Variants in CLUAP1 observed in about 807,000 individuals in gnomAD.
CLUAP1 encodes intraflagellar transport 38.
CLUAP1 carries 50 observed loss-of-function variants against 55.0 expected under a neutral mutation model. That is an observed-to-expected ratio of 0.91 (90% CI 0.72 to 1.15). The LOEUF (loss-of-function observed/expected upper bound fraction) is 1.15. Ranked by LOEUF, CLUAP1 falls within the 50% of genes most tolerant of loss-of-function variation. The pLI is 0.00. For synonymous variants in CLUAP1, 195 were observed against 175.4 expected (o/e 1.11, Z -0.88); for missense variants, 530 against 507.6 (o/e 1.04, Z -0.42).
chr16:3,503,771 C>T (rs1027723338), intron 1 of CLUAP1, among the ~76,000 whole-genome samples: 1 of 151,990 alleles, frequency 6.6e-6, no homozygotes, highest in Non-Finnish European at 1.5e-5. Flanking sequence ...TTTTTTTAAT[C>T]TCTGTATTCA....
In CLUAP1 at chr16:3,525,533, C is replaced by G. The variant is rs531946546; in HGVS notation, c.856-879C>G. Among the ~76,000 whole-genome samples the G allele has an allele frequency of 1.9e-3, 286 of 152,200 alleles. 3 individuals carry two copies. The highest frequency in any genetic ancestry group is 6.1e-3 in the African/African-American group (255 of 41,498). The stretch of plus-strand genomic sequence containing the variant: ...TATAAAGCCAACTTCCTCCCTCTGT[C>G]TGTCCCTCCCCCCCACTCTCTCTCT... On this transcript the variant is annotated intron_variant, in intron 8 of 11. Transcript: ENST00000576634.
rs1476037747 is a variant in CLUAP1, at chr16:3,538,561, A to T, written c.*2290A>T. 1 of 152,176 alleles carries T rather than the reference A, an allele frequency of 6.6e-6. No individual in the cohort carries two copies. Among genetic ancestry groups the T allele is most frequent in the Admixed American group, 6.5e-5 (1 of 15,284 alleles). The allele number at this position is 152,176 out of a possible 1,614,324, so 9.4% of individuals were successfully genotyped here. A position where few individuals can be genotyped will look rare whatever the true frequency, so the allele number is the denominator to read the frequency against. On this transcript the variant is annotated 3_prime_UTR_variant, in exon 12 of 12. Transcript: ENST00000576634. ...AATAGAGTTCTATTTTCCTTATGTG[A>T]TGCTTTCTTCTAACACACTTTAACA... is the stretch of plus-strand genomic sequence containing the variant.
chr16:3,536,274 C>G lies in CLUAP1; in HGVS notation c.*3C>G. 6.2e-7 allele frequency: 1 copy of G among 1,613,620 alleles called. No homozygotes were observed. The highest frequency in any genetic ancestry group is 8.5e-7 in the Non-Finnish European group (1 of 1,179,730). ...ATGAGAGTGACAATGACTTCTGACC[C>G]TTTTGCCAAGGGACCCTGGCAGATT... On this transcript the variant is annotated 3_prime_UTR_variant, in exon 12 of 12. Coordinates refer to ENST00000576634, the MANE Select transcript of CLUAP1 (RefSeq NM_015041.3).
At chr16:3,495,797 G>A in the CLUAP1 span, among the ~76,000 whole-genome samples, 1 of 152,096 alleles carries the variant, frequency 6.6e-6, no homozygotes, top group Non-Finnish European at 1.5e-5. Context: ...GAAGACCTAG[G>A]TCGGTACTTT....
chr16:3,515,869 CTATTT>C lies in CLUAP1; in HGVS notation c.579+285_579+289del, dbSNP rs571339745. The stretch of plus-strand genomic sequence containing the variant: ...TTCAATAATTTTAATAAATAATGCT[CTATTT>C]TATTTTGTTTAACCAATTCCTCACT... On this transcript the variant is annotated intron_variant, in intron 6 of 11. Coordinates refer to ENST00000576634, the MANE Select transcript of CLUAP1 (RefSeq NM_015041.3). Among the ~76,000 whole-genome samples the C allele has an allele frequency of 3.8e-3, 571 of 152,230 alleles. 2 individuals carry two copies. Among genetic ancestry groups the C allele is most frequent in the African/African-American group, 0.013 (536 of 41,520 alleles).
chr16:3,517,223 C>T (rs1464958400), intron 6 of CLUAP1, among the ~76,000 whole-genome samples: 35 of 151,482 alleles, frequency 2.3e-4, no homozygotes. Context: ...CTCCCAGGTT[C>T]AAGTGATTCT....
Position 3,512,334 on chromosome 16 carries a change from TAAAA to T in CLUAP1, c.400-46_400-43del, listed in dbSNP as rs530355185. The T allele has an allele frequency of 2.8e-6, 4 of 1,446,090 alleles. No homozygotes were observed. The East Asian group carries it at 9.1e-5, about 33-fold the overall frequency. The allele number at this position is 1,446,090 out of a possible 1,614,324, so 89.6% of individuals were successfully genotyped here. A position where few individuals can be genotyped will look rare whatever the true frequency, so the allele number is the denominator to read the frequency against. On this transcript the variant is annotated intron_variant, in intron 4 of 11. Coordinates refer to ENST00000576634, the MANE Select transcript of CLUAP1 (RefSeq NM_015041.3). Reference sequence around the variant, plus strand: ...AACATAGCCAAGACCCTGTCTCTATTAAAAAACATCTGTTGCTGAGGTTTCTGTT... The same window carrying T: ...AACATAGCCAAGACCCTGTCTCTATTAACATCTGTTGCTGAGGTTTCTGTT...
At chr16:3,513,832 A>G (rs2037680531) in intron 5 of CLUAP1, among the ~76,000 whole-genome samples, 1 of 152,230 alleles carries the variant, frequency 6.6e-6, no homozygotes, top group African/African-American at 2.4e-5. Context: ...CTTTAAAACT[A>G]AATGAATTTC....
chr16:3,498,548 C>T (rs2037336460), upstream of CLUAP1, among the ~76,000 whole-genome samples: 2 of 152,120 alleles, frequency 1.3e-5, no homozygotes, highest in Admixed American at 6.5e-5. Context: ...GTGGCTCACA[C>T]CTGTAATCCC....
chr16:3,511,604 C>T lies in CLUAP1; in HGVS notation c.400-779C>T, dbSNP rs774608886. On this transcript the variant is annotated intron_variant, in intron 4 of 11. Coordinates refer to ENST00000576634, the MANE Select transcript of CLUAP1 (RefSeq NM_015041.3). ...CCCTCAGGCTGTCCCTTTGTGTGGC[C>T]GCTCTGCTGCCGTCAGGCACCCTAC... is the stretch of plus-strand genomic sequence containing the variant. Among the ~76,000 whole-genome samples, 50 of 152,154 alleles carry T rather than the reference C, an allele frequency of 3.3e-4. 1 individual carries two copies. Among genetic ancestry groups the T allele is most frequent in the Middle Eastern group, 3.2e-3 (1 of 316 alleles).
upstream of CLUAP1, chr16:3,496,390 C>G: frequency 2.7e-6 from 3 of 1,103,446 alleles, no homozygotes; most frequent in South Asian, 1.2e-5. Context: ...CACCTCTGTC[C>G]GTTTCCCGGA....
chr16:3,499,093 C>T (rs186228098), upstream of CLUAP1, among the ~76,000 whole-genome samples: 2 of 152,342 alleles, frequency 1.3e-5, no homozygotes, highest in East Asian at 3.9e-4. Flanking sequence ...TCATCAAACA[C>T]GTAAAAAGAT....
At position 3,538,604 on chromosome 16, in the gene CLUAP1, T is replaced by C. The variant is rs1019767432; in HGVS notation, c.*2333T>C. 3 of 152,212 alleles carry C rather than the reference T, an allele frequency of 2.0e-5. No individual in the cohort carries two copies. Among genetic ancestry groups the C allele is most frequent in the African/African-American group, 7.2e-5 (3 of 41,452 alleles). 9.4% of individuals were successfully genotyped at this position (152,212 alleles called of 1,614,324 possible). A position where few individuals can be genotyped will look rare whatever the true frequency, so the allele number is the denominator to read the frequency against. On this transcript the variant is annotated 3_prime_UTR_variant, in exon 12 of 12. Transcript: ENST00000576634. ...CTTTAACACAGAAGCCTAACCTAGC[T>C]ACAAAGAGCCTATCCACAGACATAG...
At chr16:3,533,465 A>T in intron 11 of CLUAP1, 1 of 391,602 alleles carries the variant, frequency 2.6e-6, no homozygotes, top group Non-Finnish European at 4.8e-6. Context: ...CTGGGGACGG[A>T]ATGGTGAAGC....
upstream of CLUAP1, chr16:3,500,842 C>G (rs888615370): frequency 1.7e-6 from 1 of 576,072 alleles, no homozygotes; most frequent in Non-Finnish European, 3.1e-6. Flanking sequence ...TCATAGACGC[C>G]GGTATCGCCA....
chr16:3,523,596 C>G (rs528025895), intron 8 of CLUAP1, among the ~76,000 whole-genome samples: 1 of 152,204 alleles, frequency 6.6e-6, no homozygotes, highest in Admixed American at 6.5e-5. Flanking sequence ...GGGGCCTGTG[C>G]TTGCTTTCAG....
At chr16:3,527,620 C>T (rs559294945) in intron 9 of CLUAP1, among the ~76,000 whole-genome samples, 3 of 152,162 alleles carry the variant, frequency 2.0e-5, no homozygotes, top group South Asian at 4.1e-4. Context: ...CAGGCCCGCC[C>T]GCAGTTATCC....
At chr16:3,531,010 G>T (rs1305112286) in intron 10 of CLUAP1, among the ~76,000 whole-genome samples, 1 of 152,180 alleles carries the variant, frequency 6.6e-6, no homozygotes, top group Non-Finnish European at 1.5e-5. Flanking sequence ...ACTTAAATGA[G>T]CATCTCTGCC....
chr16:3,512,939 C>G (rs2037659900), intron 5 of CLUAP1, among the ~76,000 whole-genome samples: 1 of 152,180 alleles, frequency 6.6e-6, no homozygotes, highest in Admixed American at 6.5e-5. Flanking sequence ...CTTGGCCTCC[C>G]AAAGTGCTGG....
Sources: allele counts gnomAD v4.1 joint callset (sites outside exome capture counted in the v4.1 genomes callset), GRCh38; gene constraint gnomAD v4.1.1; transcripts MANE v1.5; gene names NCBI Gene and HGNC (gene_info 2026-07-23, HGNC 2026-07-21).